The following PTK2 variants were observed in gnomAD, a reference collection of about 807,000 sequenced individuals.
PTK2 encodes the protein protein tyrosine kinase 2, also known as focal adhesion kinase 1.
Under a neutral mutation model 150.1 loss-of-function variants are expected in PTK2, and 45 were observed. The observed-to-expected ratio is 0.30, with a 90% CI of 0.24 to 0.38. The LOEUF is 0.38. PTK2 is among the 10% of genes least tolerant of loss of function. PTK2 has a pLI of 1.00. For synonymous variants in PTK2, 432 were observed against 449.2 expected (o/e 0.96, Z 0.48); for missense variants, 919 against 1,307.3 (o/e 0.70, Z 4.58).
intron 2 of PTK2, among the ~76,000 whole-genome samples, chr8:140,906,761 A>G (rs2100161051): frequency 6.6e-6 from 1 of 152,206 alleles, no homozygotes; most frequent in African/African-American, 2.4e-5. Context: ...CAAGAAAATC[A>G]CAGTTAATAA....
At chr8:140,837,625 T>G (rs906548693) in intron 7 of PTK2, among the ~76,000 whole-genome samples, 2 of 151,522 alleles carry the variant, frequency 1.3e-5, no homozygotes, top group African/African-American at 4.9e-5. Flanking sequence ...GATACTTGGG[T>G]GGCTGAGGTA....
chr8:140,796,833 CAG>C (rs2100091896), intron 12 of PTK2, among the ~76,000 whole-genome samples: 1 of 152,096 alleles, frequency 6.6e-6, no homozygotes, highest in African/African-American at 2.4e-5. Context: ...CTTAACTTAC[CAG>C]ACTTTTTAAT....
intron 30 of PTK2, 114 bp downstream of exon 34, chr8:140,668,155 G>C: frequency 2.5e-6 from 3 of 1,218,616 alleles, no homozygotes; most frequent in Non-Finnish European, 3.5e-6. Context: ...AGCTTCTAAA[G>C]CATCAGTTCT....
intron 5 of PTK2, among the ~76,000 whole-genome samples, chr8:140,863,988 G>A (rs2100137816): frequency 1.3e-5 from 2 of 152,096 alleles, no homozygotes; most frequent in African/African-American, 4.8e-5. Context: ...GGGTATAGTT[G>A]GCTCTGCAAC....
chr8:140,926,445 A>C (rs2100169498), intron 1 of PTK2, among the ~76,000 whole-genome samples: 1 of 152,172 alleles, frequency 6.6e-6, no homozygotes, highest in Non-Finnish European at 1.5e-5. Flanking sequence ...ACAAAGGGTA[A>C]ATGAATCACA....
chr8:140,994,652 T>C (rs1482591283), intron 1 of PTK2, among the ~76,000 whole-genome samples: 2 of 152,166 alleles, frequency 1.3e-5, no homozygotes, highest in Non-Finnish European at 1.5e-5. Flanking sequence ...TGGTCTTCGA[T>C]GTTACTACTG....
Position 140,665,009 on chromosome 8 carries a change from GAATCAC to G in PTK2, c.2866-18_2866-13del. On this transcript the variant is annotated splice_polypyrimidine_tract_variant and intron_variant, in intron 30 of 31. Transcript: ENST00000522684. ...GCCAAGCCGACTTCCTAACAGACAA[GAATCAC>G]AACCAATATTAGAACACACACAAAG... The G allele has an allele frequency of 6.2e-7, 1 of 1,610,036 alleles. No individual in the cohort carries two copies. The highest frequency in any genetic ancestry group is 8.5e-7 in the Non-Finnish European group (1 of 1,176,884).
chr8:140,986,412 T>C (rs1423716612), intron 1 of PTK2, among the ~76,000 whole-genome samples: 1 of 152,226 alleles, frequency 6.6e-6, no homozygotes, highest in East Asian at 1.9e-4. Context: ...AGAATATTTT[T>C]ATAATCTTAA....
intron 7 of PTK2, among the ~76,000 whole-genome samples, chr8:140,843,348 C>T (rs2100123403): frequency 6.6e-6 from 1 of 152,164 alleles, no homozygotes; most frequent in Non-Finnish European, 1.5e-5. Context: ...TCCTGTAACT[C>T]TGTATCCTTT....
intron 21 of PTK2, among the ~76,000 whole-genome samples, chr8:140,738,583 C>A (rs544864289): frequency 6.6e-6 from 1 of 152,182 alleles, no homozygotes; most frequent in African/African-American, 2.4e-5. Context: ...AGGAAGGAGG[C>A]TGGACTCCAG....
chr8:140,773,151 A>T (rs1375586543), intron 14 of PTK2, among the ~76,000 whole-genome samples: 2 of 152,238 alleles, frequency 1.3e-5, no homozygotes, highest in Non-Finnish European at 2.9e-5. Flanking sequence ...TGAATTTTTT[A>T]AAAAAGTACA....
At position 140,692,063 on chromosome 8, in the gene PTK2, T is replaced by C. The variant is rs149434519; in HGVS notation, c.2500-5369A>G. Among the ~76,000 whole-genome samples the C allele has an allele frequency of 8.4e-3, 1,281 of 152,350 alleles. 25 individuals carry two copies. Among genetic ancestry groups the C allele is most frequent in the African/African-American group, 0.028 (1,182 of 41,568 alleles). On this transcript the variant is annotated intron_variant, in intron 26 of 31. Coordinates refer to ENST00000522684, the Ensembl canonical transcript of PTK2. ...GTATTGTTTCATGTGTTTACATGAA[T>C]TAATCTATTTTTATTTCCATATACA...
chr8:140,711,000 C>T (rs187726714), intron 23 of PTK2, among the ~76,000 whole-genome samples: 2 of 152,066 alleles, frequency 1.3e-5, no homozygotes, highest in South Asian at 2.1e-4. Context: ...TGCAGTGGCA[C>T]GATCTCGGCT....
At chr8:140,672,820 T>C (rs1455609258) in intron 29 of PTK2, among the ~76,000 whole-genome samples, 1 of 152,218 alleles carries the variant, frequency 6.6e-6, no homozygotes, top group Non-Finnish European at 1.5e-5. Context: ...TTGAGTCAAG[T>C]ATGTGCTCAG....
chr8:140,719,678 A>C (rs1305229687), intron 22 of PTK2, among the ~76,000 whole-genome samples: 1 of 152,170 alleles, frequency 6.6e-6, no homozygotes, highest in Non-Finnish European at 1.5e-5. Context: ...GCTCTGTGCA[A>C]GATGCACGTG....
chr8:140,917,107 T>C (rs1037802302), intron 2 of PTK2, among the ~76,000 whole-genome samples: 9 of 152,126 alleles, frequency 5.9e-5, no homozygotes, highest in East Asian at 3.8e-4. Flanking sequence ...AACTGTAAAA[T>C]TGACCAGGTG....
At chr8:140,922,692 T>C (rs1168807121) in intron 2 of PTK2, among the ~76,000 whole-genome samples, 1 of 152,216 alleles carries the variant, frequency 6.6e-6, no homozygotes, top group Non-Finnish European at 1.5e-5. Flanking sequence ...CACTAAGTAC[T>C]GATTACAACT....
chr8:140,752,342 C>T (rs1454120247), intron 16 of PTK2, 26 bp from the exon 20 acceptor site: 1 of 1,590,162 alleles, frequency 6.3e-7, no homozygotes, highest in Non-Finnish European at 8.6e-7. Flanking sequence ...TATAGAATCA[C>T]ACACACATGC....
intron 8 of PTK2, among the ~76,000 whole-genome samples, chr8:140,827,678 G>A (rs1057374521): frequency 6.6e-6 from 1 of 152,106 alleles, no homozygotes; most frequent in Non-Finnish European, 1.5e-5. Context: ...TGTTCAGAAA[G>A]TGTCTCCCCT....
Sources: gnomAD v4.1 joint callset for allele counts (sites outside exome capture counted in the v4.1 genomes callset) on GRCh38, gnomAD v4.1.1 for gene constraint, MANE v1.5 for transcripts, NCBI Gene and HGNC (gene_info 2026-07-23, HGNC 2026-07-21) for gene names.